Variants in EPS8 observed in about 807,000 individuals in gnomAD.
EPS8 encodes epidermal growth factor receptor kinase substrate 8.
Under a neutral mutation model 103.8 loss-of-function variants are expected in EPS8, and 42 were observed. That is an observed-to-expected ratio of 0.40 (90% CI 0.32 to 0.52). EPS8 has a LOEUF of 0.52. Ranked by LOEUF, EPS8 falls within the 20% of genes least tolerant of loss-of-function variation. The probability of loss-of-function intolerance (pLI) is 0.40; values close to 1 mark genes in which losing one functional copy is unlikely to be tolerated. For synonymous variants in EPS8, 344 were observed against 344.6 expected (o/e 1.00, Z 0.02); for missense variants, 969 against 1,005.1 (o/e 0.96, Z 0.49).
Position 15,780,480 on chromosome 12 carries a change from A to AC in EPS8, c.-22+8680_-22+8681insG, listed in dbSNP as rs1947249239. ...TCTCCTTTCTGCTATGTGCTGGGAT[A>AC]AACACACACACACACACACACACAC... On this transcript the variant is annotated intron_variant, in intron 1 of 20. Transcript: ENST00000281172. The surrounding 1 kb of genome is among the most constrained non-coding windows in gnomAD (Gnocchi z 4.1). 1.8e-4 allele frequency: 23 copies of AC among 128,896 alleles called. No homozygotes were observed. The South Asian group carries it at 5.1e-3, about 29-fold the overall frequency. 8.0% of individuals were successfully genotyped at this position (128,896 alleles called of 1,614,324 possible).
intron 11 of EPS8, 89 bp downstream of exon 11, chr12:15,658,408 T>G: frequency 9.9e-7 from 1 of 1,010,694 alleles, no homozygotes; most frequent in South Asian, 1.5e-5. Flanking sequence ...AAAACAATTT[T>G]ATTTCTTAAT....
Position 15,670,888 on chromosome 12 carries a change from T to G in EPS8, c.172A>C (p.Ser58Arg). The G allele has an allele frequency of 1.2e-6, 2 of 1,612,608 alleles. No homozygotes were observed. The highest frequency in any genetic ancestry group is 1.7e-6 in the Non-Finnish European group (2 of 1,178,930). Residue 58 changes from serine to arginine, a missense_variant, in exon 4 of 21, where the codon AGT becomes CGT. By Grantham distance (110) the Ser-to-Arg change is moderately radical. Coordinates refer to ENST00000281172, the MANE Select transcript of EPS8 (RefSeq NM_004447.6). Reference protein sequence around the residue: ...RKNYARDSVSSVSDISQYRVE... With the variant: ...RKNYARDSVSRVSDISQYRVE... ...CGGTATTGAGATATATCTGACACAC[T>G]GCTGACACTGTCCCGTGCATAATTC...
chr12:15,743,120 A>T (rs1946842048), intron 1 of EPS8, among the ~76,000 whole-genome samples: 1 of 152,220 alleles, frequency 6.6e-6, no homozygotes, highest in African/African-American at 2.4e-5. Context: ...CACCAATAAC[A>T]GACAAACAGA....
At chr12:15,773,776 T>G (rs1390445187) in intron 1 of EPS8, among the ~76,000 whole-genome samples, 3 of 152,132 alleles carry the variant, frequency 2.0e-5, no homozygotes, top group Non-Finnish European at 4.4e-5. Flanking sequence ...GAAGTTCCTA[T>G]CTGTGTCTAG....
Position 15,738,997 on chromosome 12 carries a change from T to C in EPS8, c.-22+50164A>G, listed in dbSNP as rs1324366228. Among the ~76,000 whole-genome samples, 1 of 152,216 alleles carries C rather than the reference T, an allele frequency of 6.6e-6. No homozygotes were observed. ...CATGTCTATGCAGATTGCTCTAATA[T>C]AGCACAGACTACATCCCTGGGTTAC... On this transcript the variant is annotated intron_variant, in intron 1 of 20. Transcript: ENST00000281172. This position sits in a 1 kb window ranked among gnomAD's most constrained non-coding sequence, Gnocchi z 6.2.
rs921417036 is a variant in EPS8 at position 15,777,399 on chromosome 12, G to C, written c.-22+11762C>G. ...CTGAATGGTGTTAAGATGCATTCCA[G>C]TTAAAGTTAAGCACTGTTAACACAT... On this transcript the variant is annotated intron_variant, in intron 1 of 20. Transcript: ENST00000281172. The surrounding 1 kb of genome is among the most constrained non-coding windows in gnomAD (Gnocchi z 4.7). Among the ~76,000 whole-genome samples the C allele has an allele frequency of 6.6e-6, 1 of 152,102 alleles. No individual in the cohort carries two copies. Among genetic ancestry groups the C allele is most frequent in the African/African-American group, 2.4e-5 (1 of 41,442 alleles).
intron 12 of EPS8, among the ~76,000 whole-genome samples, chr12:15,656,353 A>G (rs1049367928): frequency 3.9e-4 from 59 of 152,308 alleles, no homozygotes; most frequent in African/African-American, 1.4e-3. Flanking sequence ...TTATTCAGAA[A>G]TAATTAGGCA....
intron 1 of EPS8, among the ~76,000 whole-genome samples, chr12:15,710,032 G>A (rs2950431): frequency 0.033 from 5,015 of 152,244 alleles, 264 homozygotes; most frequent in African/African-American, 0.11. Flanking sequence ...CTCACCTTCT[G>A]CTGTGCGGCC....
chr12:15,624,603 G>A (rs1003543894), intron 18 of EPS8, among the ~76,000 whole-genome samples, 196 bp from the exon 19 acceptor site: 19 of 152,080 alleles, frequency 1.2e-4, no homozygotes, highest in Non-Finnish European at 2.6e-4. Context: ...CTCTTCTCTA[G>A]TCTCTTCATT....
intron 1 of EPS8, among the ~76,000 whole-genome samples, chr12:15,709,326 A>G (rs1946430503): frequency 6.6e-6 from 1 of 152,250 alleles, no homozygotes; most frequent in South Asian, 2.1e-4. Context: ...TGCAGAAAAA[A>G]GAAGGTGAAA....
In EPS8 at chr12:15,776,078, T is replaced by C. The variant is rs1947204137; in HGVS notation, c.-22+13083A>G. On this transcript the variant is annotated intron_variant, in intron 1 of 20. Transcript: ENST00000281172. This position sits in a 1 kb window ranked among gnomAD's most constrained non-coding sequence, Gnocchi z 4.2. ...AAAGGGCAGTTCCATATGTATTTTA[T>C]TATATATTCAATATAAATTTGTGTA... is the stretch of plus-strand genomic sequence containing the variant. 2.0e-5 allele frequency among the ~76,000 whole-genome samples: 3 copies of C among 152,198 alleles called. No homozygotes were observed. The highest frequency in any genetic ancestry group is 6.5e-5 in the Admixed American group (1 of 15,282).
intron 3 of EPS8, among the ~76,000 whole-genome samples, chr12:15,671,490 C>T (rs1945817117): frequency 6.6e-6 from 1 of 152,012 alleles, no homozygotes; most frequent in African/African-American, 2.4e-5. Flanking sequence ...CTACAAAACA[C>T]ACAAATGTGA....
chr12:15,780,782 C>A lies in EPS8; in HGVS notation c.-22+8379G>T, dbSNP rs1321967443. 1 of 152,206 alleles carries A rather than the reference C, an allele frequency of 6.6e-6. No individual in the cohort carries two copies. The highest frequency in any genetic ancestry group is 1.9e-4 in the East Asian group (1 of 5,180). The allele number at this position is 152,206 out of a possible 1,614,324, so 9.4% of individuals were successfully genotyped here. A position where few individuals can be genotyped will look rare whatever the true frequency, so the allele number is the denominator to read the frequency against. ...TCATCTTTGTATTCCTGGTGTCTGG[C>A]ACAGAACAGATACTCAACAAACACT... On this transcript the variant is annotated intron_variant, in intron 1 of 20. Coordinates refer to ENST00000281172, the MANE Select transcript of EPS8 (RefSeq NM_004447.6). This position sits in a 1 kb window ranked among gnomAD's most constrained non-coding sequence, Gnocchi z 4.1.
rs1189367496 is a variant in EPS8, at chr12:15,704,348, A to G, written c.-21-21376T>C. On this transcript the variant is annotated intron_variant, in intron 1 of 20. Coordinates refer to ENST00000281172, the MANE Select transcript of EPS8 (RefSeq NM_004447.6). This position sits in a 1 kb window ranked among gnomAD's most constrained non-coding sequence, Gnocchi z 4.6. Reference sequence around the variant, plus strand: ...CCAAGTGTTGTCCATTCACAGATGAATAAGTAAAATATCATACATCTACAT... The same window carrying G: ...CCAAGTGTTGTCCATTCACAGATGAGTAAGTAAAATATCATACATCTACAT... 2.0e-5 allele frequency among the ~76,000 whole-genome samples: 3 copies of G among 152,198 alleles called. No homozygotes were observed. The highest frequency in any genetic ancestry group is 2.9e-5 in the Non-Finnish European group (2 of 68,042).
At chr12:15,654,387 A>G (rs1430183376) in intron 12 of EPS8, 94 bp from the exon 13 acceptor site, 4 of 1,079,302 alleles carry the variant, frequency 3.7e-6, no homozygotes, top group Non-Finnish European at 5.6e-6. Flanking sequence ...AACAAGCACT[A>G]CTTTTTAATA....
chr12:15,677,018 A>G (rs1945920694), intron 3 of EPS8, among the ~76,000 whole-genome samples: 1 of 152,232 alleles, frequency 6.6e-6, no homozygotes, highest in East Asian at 1.9e-4. Context: ...GGAGTGACAT[A>G]TGGAATATAA....
chr12:15,775,179 C>T (rs984009416), intron 1 of EPS8, among the ~76,000 whole-genome samples: 1 of 152,178 alleles, frequency 6.6e-6, no homozygotes, highest in Non-Finnish European at 1.5e-5. Context: ...CTTAAAGTTA[C>T]CCACATTCAA....
At chr12:15,643,506 G>A (rs531671869) in intron 15 of EPS8, among the ~76,000 whole-genome samples, 11 of 152,208 alleles carry the variant, frequency 7.2e-5, no homozygotes, top group Non-Finnish European at 1.2e-4. Context: ...TTGGGAGGCC[G>A]AGGAGGGCGG....
intron 1 of EPS8, among the ~76,000 whole-genome samples, chr12:15,732,358 TGAG>T (rs1294492797): frequency 6.6e-6 from 1 of 152,198 alleles, no homozygotes; most frequent in Non-Finnish European, 1.5e-5. Context: ...ACAACAACAA[TGAG>T]GAGAAGATAT....
Sources: gnomAD v4.1 joint callset for allele counts (sites outside exome capture counted in the v4.1 genomes callset) on GRCh38, gnomAD v4.1.1 for gene constraint, Gnocchi (gnomAD v3.1) non-coding constraint, MANE v1.5 for transcripts, NCBI Gene and HGNC (gene_info 2026-07-23, HGNC 2026-07-21) for gene names.